The following ECD variants were observed in gnomAD, a reference collection of about 807,000 sequenced individuals.
ECD encodes the protein protein ecdysoneless homolog.
ECD carries 59 observed loss-of-function variants against 77.2 expected under a neutral mutation model. The ratio of observed to expected loss-of-function variants is 0.76; its 90% CI spans 0.62 to 0.95. The LOEUF is 0.95. Ranked by LOEUF, ECD falls within the 40% of genes least tolerant of loss-of-function variation. The probability of loss-of-function intolerance (pLI) is 0.00; values close to 1 mark genes in which losing one functional copy is unlikely to be tolerated. For synonymous variants in ECD, 233 were observed against 267.4 expected (o/e 0.87, Z 1.26); for missense variants, 704 against 763.4 (o/e 0.92, Z 0.92).
At chr10:73,134,948 T>C (rs1439139234) in intron 13 of ECD, 135 bp from the exon 14 acceptor site, 1 of 751,600 alleles carries the variant, frequency 1.3e-6, no homozygotes, top group Non-Finnish European at 2.1e-6. Context: ...TCCTTGGTGA[T>C]ATAAACTGAA....
chr10:73,158,001 G>A (rs1564666707), intron 3 of ECD, among the ~76,000 whole-genome samples: 1 of 150,684 alleles, frequency 6.6e-6, no homozygotes, highest in African/African-American at 2.4e-5. Context: ...TCACTCTGTC[G>A]CACAGGCTGG....
Position 73,152,281 on chromosome 10 carries a change from G to A in ECD, c.912+12C>T. ...TAAAGAAAGGAAACAACATTTTCTG[G>A]TTCAACATTACCAATTTCATGCCCA... On this transcript the variant is annotated intron_variant, in intron 7 of 13. Coordinates refer to ENST00000372979, the MANE Select transcript of ECD (RefSeq NM_007265.3). 1.2e-6 allele frequency: 2 copies of A among 1,610,404 alleles called. No homozygotes were observed. The highest frequency in any genetic ancestry group is 1.7e-6 in the Non-Finnish European group (2 of 1,177,286).
chr10:73,151,452 A>G (rs1485675189), intron 7 of ECD, among the ~76,000 whole-genome samples: 1 of 152,016 alleles, frequency 6.6e-6, no homozygotes, highest in Non-Finnish European at 1.5e-5. Context: ...GGTGCAGCAC[A>G]CCAACATGGC....
chr10:73,147,739 C>T (rs1404788541), intron 8 of ECD, among the ~76,000 whole-genome samples: 1 of 152,056 alleles, frequency 6.6e-6, no homozygotes, highest in African/African-American at 2.4e-5. Flanking sequence ...TACCAAATTA[C>T]TTTCCAGTTA....
Position 73,146,353 on chromosome 10 carries a change from T to A in ECD, c.1050A>T (p.Ile350=). Residue 350 remains isoleucine (I), a synonymous_variant, in exon 9 of 14, where the codon ATA becomes ATT. Transcript: ENST00000372979. ...TTTCCCGGTACTGAGCAGAACCTTC[T>A]ATCAGTCCCTTAAAAAAAAAAAAAG... ...LKKNDYFKGL[I]EGSAQYRERL... 1 of 1,596,038 alleles carries A rather than the reference T, an allele frequency of 6.3e-7. No homozygotes were observed. Among genetic ancestry groups the A allele is most frequent in the Non-Finnish European group, 8.5e-7 (1 of 1,170,952 alleles).
chr10:73,138,077 T>C lies in ECD; in HGVS notation c.1422-7A>G, dbSNP rs904499308. On this transcript the variant is annotated splice_polypyrimidine_tract_variant and splice_region_variant and intron_variant, in intron 11 of 13. Coordinates refer to ENST00000372979, the MANE Select transcript of ECD (RefSeq NM_007265.3). ...TGGAGCCTCAGAAGGTTCTCTGCAA[T>C]ATTAAAGGACAAAGACAATTAATTT... 22 of 1,575,692 alleles carry C rather than the reference T, an allele frequency of 1.4e-5. No homozygotes were observed. The highest frequency in any genetic ancestry group is 3.8e-5 in the Admixed American group (2 of 53,270).
At chr10:73,162,587 C>T (rs760767874) in intron 2 of ECD, among the ~76,000 whole-genome samples, 6 of 152,058 alleles carry the variant, frequency 3.9e-5, no homozygotes, top group Non-Finnish European at 8.8e-5. Flanking sequence ...CAAAAGATAA[C>T]AGATACGCAC....
Position 73,139,741 on chromosome 10 carries a change from T to A in ECD, c.1128-4A>T. The A allele has an allele frequency of 1.3e-6, 2 of 1,565,258 alleles. No homozygotes were observed. Among genetic ancestry groups the A allele is most frequent in the Non-Finnish European group, 8.7e-7 (1 of 1,149,600 alleles). Reference sequence around the variant, plus strand: ...ACCAGGGCTCATAGCAAGAGAACTATGAAAAATAAAAAACATGAGTATTTC... The same window carrying A: ...ACCAGGGCTCATAGCAAGAGAACTAAGAAAAATAAAAAACATGAGTATTTC... On this transcript the variant is annotated splice_polypyrimidine_tract_variant and splice_region_variant and intron_variant, in intron 9 of 13. Transcript: ENST00000372979.
At chr10:73,141,421 T>C (rs1298170445) in intron 9 of ECD, 2 of 160,114 alleles carry the variant, frequency 1.2e-5, no homozygotes, top group African/African-American at 2.6e-5. Flanking sequence ...CTGAGGCAGA[T>C]GAATGGCGTG....
intron 6 of ECD, 21 bp downstream of exon 6, chr10:73,154,235 T>C (rs372592590): frequency 6.4e-7 from 1 of 1,557,906 alleles, no homozygotes; most frequent in East Asian, 2.3e-5. Context: ...AGAAACTAAA[T>C]GACCAAGATA....
intron 9 of ECD, among the ~76,000 whole-genome samples, chr10:73,140,363 C>T (rs7087762): frequency 0.85 from 128,700 of 151,930 alleles, 55,742 homozygotes; most frequent in African/African-American, 0.97. Context: ...CTCTAAAATA[C>T]AGAAGGGGTC....
intron 3 of ECD, among the ~76,000 whole-genome samples, chr10:73,157,445 G>T (rs148596763): frequency 6.6e-6 from 1 of 151,680 alleles, no homozygotes; most frequent in Non-Finnish European, 1.5e-5. Context: ...ATGGCCAGGT[G>T]CAGTGGCTCA....
intron 8 of ECD, among the ~76,000 whole-genome samples, chr10:73,147,215 C>T (rs918326382): frequency 9.2e-5 from 14 of 151,970 alleles, no homozygotes; most frequent in African/African-American, 3.4e-4. Context: ...ACAACACTGG[C>T]TTGCGTGACA....
At chr10:73,168,050 C>G (rs1843522130), upstream of ECD, 1 of 463,074 alleles carries the variant, frequency 2.2e-6, no homozygotes, top group Non-Finnish European at 3.8e-6. Context: ...ACTCAGTCCC[C>G]GAAACCTTGT....
intron 13 of ECD, 49 bp downstream of exon 13, chr10:73,136,655 A>C (rs1268158286): frequency 6.6e-7 from 1 of 1,521,138 alleles, no homozygotes; most frequent in South Asian, 1.1e-5. Flanking sequence ...GGTTTTAGCT[A>C]TCTGACATAC....
rs1843269292 is a variant in ECD, at chr10:73,154,427, G to A, written c.612C>T (p.Ala204=). The change falls in exon 6 of 14, where the codon GCC becomes GCT. Residue 204 remains alanine (A), a synonymous_variant. Coordinates refer to ENST00000372979, the MANE Select transcript of ECD (RefSeq NM_007265.3). ...GGAAGCAGTGTGCTCGATGAAGTGA[G>A]GCCTGAATTTTTTCTGGGTACCTGG... ...RIRGYPEKIQ[A]SLHRAHCFLP... is the part of the protein sequence containing the mutation. The A allele has an allele frequency of 1.2e-6, 2 of 1,608,922 alleles. No homozygotes were observed. Among genetic ancestry groups the A allele is most frequent in the Admixed American group, 1.7e-5 (1 of 58,778 alleles).
At chr10:73,153,013 A>G (rs1401759366) in intron 6 of ECD, among the ~76,000 whole-genome samples, 1 of 152,010 alleles carries the variant, frequency 6.6e-6, no homozygotes, top group Non-Finnish European at 1.5e-5. Flanking sequence ...GAAGATAAAG[A>G]TAATTCATTT....
At chr10:73,134,857 T>C (rs1842959482) in intron 13 of ECD, 44 bp from the exon 14 acceptor site, 1 of 1,514,812 alleles carries the variant, frequency 6.6e-7, no homozygotes, top group African/African-American at 1.4e-5. Context: ...AATGTATCAT[T>C]AGGTTGCATG....
chr10:73,151,434 AG>A (rs1029053850), intron 7 of ECD, among the ~76,000 whole-genome samples: 4 of 151,912 alleles, frequency 2.6e-5, no homozygotes, highest in African/African-American at 9.7e-5. Flanking sequence ...ATAAATGACG[AG>A]TTAATGGGTG....
Sources: gnomAD v4.1 joint callset for allele counts (sites outside exome capture counted in the v4.1 genomes callset) on GRCh38, gnomAD v4.1.1 for gene constraint, MANE v1.5 for transcripts, NCBI Gene and HGNC (gene_info 2026-07-23, HGNC 2026-07-21) for gene names.